The following HSD17B4 variants were observed in gnomAD, a reference collection of about 807,000 sequenced individuals.
The protein encoded by HSD17B4 is peroxisomal multifunctional enzyme type 2.
HSD17B4 carries 70 observed loss-of-function variants against 101.0 expected under a neutral mutation model. The ratio of observed to expected loss-of-function variants is 0.69; its 90% CI spans 0.57 to 0.85. The LOEUF (loss-of-function observed/expected upper bound fraction) is 0.85, where lower values mean the gene tolerates loss of function less well. HSD17B4 is among the 40% of genes least tolerant of loss of function. The probability of loss-of-function intolerance (pLI) is 0.00; values close to 1 mark genes in which losing one functional copy is unlikely to be tolerated. For synonymous variants in HSD17B4, 347 were observed against 297.1 expected (o/e 1.17, Z -1.73); for missense variants, 984 against 892.4 (o/e 1.10, Z -1.31).
At chr5:119,484,290 C>T (rs1749412585) in intron 8 of HSD17B4, among the ~76,000 whole-genome samples, 1 of 152,198 alleles carries the variant, frequency 6.6e-6, no homozygotes, top group East Asian at 1.9e-4. Flanking sequence ...TTTGGGTTGC[C>T]TTTTCACCTT....
At chr5:119,529,707 A>G (rs1208441022) in intron 20 of HSD17B4, among the ~76,000 whole-genome samples, 187 bp from the exon 21 acceptor site, 1 of 152,196 alleles carries the variant, frequency 6.6e-6, no homozygotes, top group East Asian at 1.9e-4. Context: ...CAGTTGTATT[A>G]AATCAGAAAG....
At chr5:119,499,257 G>A (rs533034067) in intron 12 of HSD17B4, 60 bp from the exon 13 acceptor site, 1 of 1,134,970 alleles carries the variant, frequency 8.8e-7, no homozygotes, top group East Asian at 2.4e-5. Flanking sequence ...AGGTATGTAA[G>A]AAGTTAATAG....
chr5:119,466,902 G>T (rs925361248), intron 2 of HSD17B4, among the ~76,000 whole-genome samples: 1 of 152,076 alleles, frequency 6.6e-6, no homozygotes, highest in African/African-American at 2.4e-5. Context: ...CTTTTCCAAT[G>T]TAGGCATTTA....
chr5:119,466,435 T>TA (rs1052016424), intron 2 of HSD17B4, among the ~76,000 whole-genome samples: 1 of 152,214 alleles, frequency 6.6e-6, no homozygotes, highest in African/African-American at 2.4e-5. Context: ...AGCTGTCTGT[T>TA]ACTGCTCTTT....
chr5:119,452,956 T>A (rs1561420464), intron 1 of HSD17B4: 6 of 1,020,898 alleles, frequency 5.9e-6, no homozygotes, highest in Non-Finnish European at 8.7e-6. Flanking sequence ...CATCGATTGT[T>A]ACTCTTCCTG....
chr5:119,502,036 C>G lies in HSD17B4; in HGVS notation c.1210-5C>G, dbSNP rs1177798685. 1.3e-6 allele frequency: 2 copies of G among 1,599,462 alleles called. No homozygotes were observed. Among genetic ancestry groups the G allele is most frequent in the African/African-American group, 2.7e-5 (2 of 74,604 alleles). On this transcript the variant is annotated splice_polypyrimidine_tract_variant and splice_region_variant and intron_variant, in intron 13 of 23. Transcript: ENST00000510025. ...GCTAATAAAATTTTGTTTACCCTAA[C>G]ATAGGTTCTTCATGGAGAGCAGTAC...
intron 17 of HSD17B4, among the ~76,000 whole-genome samples, chr5:119,516,446 CTTTTG>C (rs1752619741): frequency 6.6e-6 from 1 of 151,468 alleles, no homozygotes; most frequent in African/African-American, 2.4e-5. Flanking sequence ...GGTTTTCTTT[CTTTTG>C]TTTTTTTTTC....
chr5:119,542,128 C>G lies in HSD17B4; in HGVS notation c.*134C>G, dbSNP rs543194892. ...CTTAACATTTTCAGATATCAGATAACTGCAGATTTTCATTTTCTACTAATT... is the reference window on the plus strand; with the variant it reads ...CTTAACATTTTCAGATATCAGATAAGTGCAGATTTTCATTTTCTACTAATT... On this transcript the variant is annotated 3_prime_UTR_variant, in exon 24 of 24. Coordinates refer to ENST00000510025, the MANE Select transcript of HSD17B4 (RefSeq NM_000414.4). 1.5e-6 allele frequency: 1 copy of G among 676,610 alleles called. No individual in the cohort carries two copies. Among genetic ancestry groups the G allele is most frequent in the Non-Finnish European group, 2.7e-6 (1 of 371,896 alleles). 41.9% of individuals were successfully genotyped at this position (676,610 alleles called of 1,614,324 possible).
At chr5:119,452,718 A>C (rs767728160) in intron 1 of HSD17B4, 85 bp downstream of exon 1, 3 of 1,605,748 alleles carry the variant, frequency 1.9e-6, no homozygotes, top group South Asian at 1.1e-5. Context: ...GCGCAGCCGC[A>C]GCTGAGGTCA....
At chr5:119,503,589 A>G (rs1050174254) in intron 14 of HSD17B4, among the ~76,000 whole-genome samples, 2 of 152,210 alleles carry the variant, frequency 1.3e-5, no homozygotes, top group Admixed American at 1.3e-4. Flanking sequence ...TTGATGAGAC[A>G]CAGAGTGTCA....
intron 2 of HSD17B4, among the ~76,000 whole-genome samples, chr5:119,467,438 C>G (rs1000712394): frequency 2.6e-5 from 4 of 152,204 alleles, no homozygotes; most frequent in Admixed American, 2.6e-4. Context: ...CTCATTAGAT[C>G]TGGTAGCATT....
At chr5:119,515,074 A>T (rs781555962) in intron 17 of HSD17B4, 28 bp downstream of exon 17, 8 of 1,278,742 alleles carry the variant, frequency 6.3e-6, no homozygotes, top group South Asian at 4.7e-5. Flanking sequence ...AAAAATGATA[A>T]ATCCACCTGG....
chr5:119,456,151 A>T (rs1035109054), intron 1 of HSD17B4, among the ~76,000 whole-genome samples, 164 bp from the exon 2 acceptor site: 1 of 152,166 alleles, frequency 6.6e-6, no homozygotes, highest in East Asian at 1.9e-4. Flanking sequence ...CTGCAAGCAG[A>T]AGAGAGTGGA....
chr5:119,518,000 C>T (rs549812308), intron 17 of HSD17B4, among the ~76,000 whole-genome samples: 1 of 152,264 alleles, frequency 6.6e-6, no homozygotes, highest in Non-Finnish European at 1.5e-5. Context: ...CAATCAGCGC[C>T]CTGTCAAAAC....
At chr5:119,510,863 T>C (rs191980356) in intron 16 of HSD17B4, among the ~76,000 whole-genome samples, 35 of 152,278 alleles carry the variant, frequency 2.3e-4, no homozygotes, top group African/African-American at 7.2e-4. Flanking sequence ...ACTTTTCTTA[T>C]CCTTCCCACT....
chr5:119,487,819 T>G (rs1257830870), intron 8 of HSD17B4, among the ~76,000 whole-genome samples: 1 of 152,170 alleles, frequency 6.6e-6, no homozygotes, highest in African/African-American at 2.4e-5. Context: ...TGTTATGTAT[T>G]GAGATGAATG....
intron 2 of HSD17B4, among the ~76,000 whole-genome samples, chr5:119,464,228 A>G (rs183990127): frequency 3.4e-4 from 51 of 152,104 alleles, no homozygotes; most frequent in Non-Finnish European, 5.7e-4. Flanking sequence ...TTTGTTGCCT[A>G]TGCTTCCGAG....
At chr5:119,507,284 G>A (rs1751742767) in intron 15 of HSD17B4, among the ~76,000 whole-genome samples, 1 of 152,106 alleles carries the variant, frequency 6.6e-6, no homozygotes, top group Non-Finnish European at 1.5e-5. Context: ...TTTGGAACTT[G>A]GAACATATTT....
chr5:119,474,548 G>A, intron 4 of HSD17B4, 88 bp downstream of exon 4: 2 of 817,114 alleles, frequency 2.4e-6, no homozygotes, highest in South Asian at 2.7e-5. Context: ...TTACTAAACA[G>A]ATACCTCTTT....
Sources: gnomAD v4.1 joint callset for allele counts (sites outside exome capture counted in the v4.1 genomes callset) on GRCh38, gnomAD v4.1.1 for gene constraint, MANE v1.5 for transcripts, NCBI Gene and HGNC (gene_info 2026-07-23, HGNC 2026-07-21) for gene names.